TFDP2: variants seen among roughly 807,000 people sequenced by gnomAD.
TFDP2 encodes transcription factor Dp-2.
A neutral mutation model predicts 59.3 loss-of-function variants in TFDP2; 17 were observed. That is an observed-to-expected ratio of 0.29 (90% CI 0.20 to 0.43). The LOEUF (loss-of-function observed/expected upper bound fraction) is 0.43. TFDP2 is among the 20% of genes least tolerant of loss of function. TFDP2 has a pLI of 1.00. For synonymous variants in TFDP2, 180 were observed against 194.7 expected, an observed-to-expected ratio of 0.92 and a Z score of 0.63; for missense variants, 391 against 528.8, an observed-to-expected ratio of 0.74 and a Z score of 2.56.
intron 1 of TFDP2, among the ~76,000 whole-genome samples, chr3:142,105,707 T>C (rs1393294163): frequency 6.6e-6 from 1 of 152,196 alleles, no homozygotes; most frequent in South Asian, 2.1e-4. Context: ...CAGAACAAAG[T>C]ACAATTTTGT....
At chr3:142,134,679 C>T (rs775638900) in intron 1 of TFDP2, among the ~76,000 whole-genome samples, 3 of 152,014 alleles carry the variant, frequency 2.0e-5, no homozygotes, top group Non-Finnish European at 2.9e-5. Flanking sequence ...GAGTTAATTA[C>T]TGCAGTTAAT....
intron 6 of TFDP2, among the ~76,000 whole-genome samples, chr3:141,988,615 T>C (rs1214674839): frequency 6.6e-6 from 1 of 152,072 alleles, no homozygotes; most frequent in African/African-American, 2.4e-5. Flanking sequence ...AAATAAAAAT[T>C]CTGTTTTCAT....
chr3:141,975,103 G>A (rs1348042313), intron 7 of TFDP2, among the ~76,000 whole-genome samples: 1 of 151,452 alleles, frequency 6.6e-6, no homozygotes, highest in Non-Finnish European at 1.5e-5. Flanking sequence ...TAGTAGAGAC[G>A]GGGTTTCACC....
At chr3:141,990,627 C>T (rs1942659894) in intron 6 of TFDP2, among the ~76,000 whole-genome samples, 1 of 151,990 alleles carries the variant, frequency 6.6e-6, no homozygotes, top group Admixed American at 6.6e-5. Flanking sequence ...GGTTTATGAA[C>T]TTATAGAGTG....
At chr3:141,995,673 C>T (rs973064988) in intron 4 of TFDP2, among the ~76,000 whole-genome samples, 9 of 152,006 alleles carry the variant, frequency 5.9e-5, no homozygotes, top group Non-Finnish European at 1.0e-4. Flanking sequence ...CACCTGAGGT[C>T]ACGAGTTCAA....
intron 5 of TFDP2, among the ~76,000 whole-genome samples, chr3:141,993,802 C>G (rs1446136243): frequency 6.6e-6 from 1 of 152,162 alleles, no homozygotes; most frequent in African/African-American, 2.4e-5. Context: ...AGCTCAATGA[C>G]TAGCTAGAGA....
intron 6 of TFDP2, among the ~76,000 whole-genome samples, chr3:141,985,515 G>A (rs1194983854): frequency 1.2e-5 from 1 of 82,332 alleles, no homozygotes; most frequent in South Asian, 5.6e-4. Context: ...GCAAGACGCT[G>A]TCTCAAAAAA....
rs757220981 is a variant in TFDP2, at chr3:141,993,551, CAG to C, written c.341_342del (p.Ser114Ter). 3 of 1,581,744 alleles carry C rather than the reference CAG, an allele frequency of 1.9e-6. No homozygotes were observed. The highest frequency in any genetic ancestry group is 4.5e-5 in the East Asian group (2 of 44,134). ...DRKRARKFID[S>X]DFSESKRSKK... ...ACTTATACTCACCTTTCTGAAAAAT[CAG>C]AGTCTATAAATTTTCTAGCCCGTTT... On this transcript the variant is annotated frameshift_variant, in exon 6 of 13. Transcript: ENST00000489671. LOFTEE classifies it high-confidence loss of function.
chr3:142,046,730 C>A lies in TFDP2; in HGVS notation c.83-41186G>T, dbSNP rs192030521. Among the ~76,000 whole-genome samples, 46 of 152,284 alleles carry A rather than the reference C, an allele frequency of 3.0e-4. No homozygotes were observed. The East Asian group carries it at 8.1e-3, about 27-fold the overall frequency. On this transcript the variant is annotated intron_variant, in intron 3 of 12. Transcript: ENST00000489671. ...TTGTCTCAGGGATCAATCTTCATTT[C>A]TACTCATCGAAATTCCTCCTGTTGC... is the stretch of plus-strand genomic sequence containing the variant.
rs1250798302 is a variant in TFDP2, at chr3:141,968,453, CTCATATATAGATAT to C, written c.732+1606_732+1619del. Among the ~76,000 whole-genome samples, 844 of 92,040 alleles carry C rather than the reference CTCATATATAGATAT, an allele frequency of 9.2e-3. 47 individuals are homozygous for C. The highest frequency in any genetic ancestry group is 0.014 in the Non-Finnish European group (704 of 50,630). The allele number at this position is 92,040 out of a possible 152,430, so 60.4% of individuals were successfully genotyped here. Reference sequence around the variant, plus strand: ...ATATAGATATATATAACATATATATCTCATATATAGATATATATATAACATATATATATCTCATA... The same window carrying C: ...ATATAGATATATATAACATATATATCATATATAACATATATATATCTCATA... On this transcript the variant is annotated intron_variant, in intron 9 of 12. Transcript: ENST00000489671.
rs1362285387 is a variant in TFDP2 at position 141,947,855 on chromosome 3, A to G, written c.*4658T>C. ...TCTTTCCACCATCTGACTCAGTAAAACTGTCTCTTTCCCAGAGGGGCCTTT... is the reference window on the plus strand; with the variant it reads ...TCTTTCCACCATCTGACTCAGTAAAGCTGTCTCTTTCCCAGAGGGGCCTTT... On this transcript the variant is annotated 3_prime_UTR_variant, in exon 13 of 13. Transcript: ENST00000489671. 2.0e-5 allele frequency: 3 copies of G among 152,238 alleles called. No homozygotes were observed. Among genetic ancestry groups the G allele is most frequent in the African/African-American group, 4.8e-5 (2 of 41,412 alleles). 9.4% of individuals were successfully genotyped at this position (152,238 alleles called of 1,614,324 possible).
At chr3:142,001,359 A>C (rs74910348) in intron 4 of TFDP2, among the ~76,000 whole-genome samples, 6,471 of 152,210 alleles carry the variant, frequency 0.043, 447 homozygotes, top group African/African-American at 0.15. Flanking sequence ...CGGGGAGCAG[A>C]CTTGACACAG....
intron 8 of TFDP2, 132 bp from the exon 9 acceptor site, chr3:141,970,273 A>T: frequency 1.3e-6 from 1 of 761,916 alleles, no homozygotes. Flanking sequence ...ATGAATAAAG[A>T]CAAATCATAT....
chr3:142,005,047 A>AT (rs553398902), intron 4 of TFDP2, among the ~76,000 whole-genome samples: 4 of 152,144 alleles, frequency 2.6e-5, no homozygotes, highest in African/African-American at 9.7e-5. Context: ...ATTAACTATA[A>AT]TTTTTTCTTT....
At chr3:141,959,479 T>C (rs1220616423) in intron 11 of TFDP2, among the ~76,000 whole-genome samples, 195 bp downstream of exon 11, 2 of 152,174 alleles carry the variant, frequency 1.3e-5, no homozygotes, top group Non-Finnish European at 2.9e-5. Context: ...GGTGTATAGA[T>C]GTAAGTTCAT....
intron 9 of TFDP2, among the ~76,000 whole-genome samples, chr3:141,968,309 ATAAC>A (rs1938496502): frequency 8.2e-6 from 1 of 121,674 alleles, no homozygotes; most frequent in Non-Finnish European, 1.7e-5. Context: ...TATAATATAT[ATAAC>A]TATATATAAC....
At position 141,977,107 on chromosome 3, in the gene TFDP2, T is replaced by TATATATATATA. The variant is rs1491255094; in HGVS notation, c.519+1412_519+1413insTATATATATAT. The stretch of plus-strand genomic sequence containing the variant: ...TCATAGCCATATATATATATATATA[T>TATATATATATA]TTTTTTTTTTTTTTTTTTTTTCCCC... On this transcript the variant is annotated intron_variant, in intron 7 of 12. Coordinates refer to ENST00000489671, the MANE Select transcript of TFDP2 (RefSeq NM_001178139.2). Among the ~76,000 whole-genome samples the TATATATATATA allele has an allele frequency of 1.7e-3, 146 of 86,640 alleles. 1 individual carries two copies. The highest frequency in any genetic ancestry group is 6.4e-3 in the African/African-American group (127 of 19,868). 56.8% of individuals were successfully genotyped at this position (86,640 alleles called of 152,430 possible).
chr3:142,001,503 A>T (rs1943765081), intron 4 of TFDP2, among the ~76,000 whole-genome samples: 1 of 152,132 alleles, frequency 6.6e-6, no homozygotes, highest in African/African-American at 2.4e-5. Context: ...CTATGGGTTT[A>T]TTCTTCCATT....
chr3:141,957,008 G>A (rs1936773228), intron 11 of TFDP2, among the ~76,000 whole-genome samples: 1 of 138,638 alleles, frequency 7.2e-6, no homozygotes, highest in Non-Finnish European at 1.5e-5. Flanking sequence ...TTCAAAAGAT[G>A]TATAGTGACA....
Sources: allele counts gnomAD v4.1 joint callset (sites outside exome capture counted in the v4.1 genomes callset), GRCh38; gene constraint gnomAD v4.1.1; transcripts MANE v1.5; gene names NCBI Gene and HGNC (gene_info 2026-07-23, HGNC 2026-07-21).